Variants in PCTP observed in about 807,000 individuals in gnomAD.
The protein encoded by PCTP is START domain-containing protein 2.
PCTP carries 27 observed loss-of-function variants against 31.0 expected under a neutral mutation model. That is an observed-to-expected ratio of 0.87 (90% CI 0.64 to 1.20). The LOEUF (loss-of-function observed/expected upper bound fraction) is 1.20, where lower values mean the gene tolerates loss of function less well. Among genes scored for constraint, PCTP ranks in the 50% most tolerant of loss-of-function variants. The pLI, the probability that PCTP is intolerant of heterozygous loss-of-function variation, is 0.00. For missense variants in PCTP, 287 were observed against 268.2 expected (o/e 1.07, Z -0.49); for synonymous variants, 108 against 101.2 (o/e 1.07, Z -0.40).
chr17:55,847,171 C>A (rs182097853), downstream of PCTP, among the ~76,000 whole-genome samples: 623 of 152,336 alleles, frequency 4.1e-3, 7 homozygotes, highest in African/African-American at 0.014. Flanking sequence ...TATGTAAGGA[C>A]AGTCTTATGG....
At chr17:55,788,672 A>C (rs759652942) in intron 3 of PCTP, among the ~76,000 whole-genome samples, 16 of 152,234 alleles carry the variant, frequency 1.1e-4, no homozygotes, top group Non-Finnish European at 1.6e-4. Context: ...AAGCAAATAT[A>C]GCAAAATGTT....
In PCTP at chr17:55,771,575, A is replaced by G. The variant is rs138157528; in HGVS notation, c.339+390A>G. Among the ~76,000 whole-genome samples the G allele has an allele frequency of 2.6e-5, 4 of 152,344 alleles. 1 individual carries two copies. Among genetic ancestry groups the G allele is most frequent in the South Asian group, 4.1e-4 (2 of 4,830 alleles). ...CCCAAAGAGGTGATAGGACAGAGGC[A>G]CATAGGTGGTTAGTGGCAGAGCAGG... On this transcript the variant is annotated intron_variant, in intron 3 of 5. Coordinates refer to ENST00000268896, the MANE Select transcript of PCTP (RefSeq NM_021213.4).
rs766036100 is a variant in PCTP, at chr17:55,771,170, C to T, written c.324C>T (p.Pro108=). Residue 108 remains proline (P), a synonymous_variant, in exon 3 of 6, where the codon CCC becomes CCT. Transcript: ENST00000268896. ...ACTGGGAAGTGAAGTACCCTTTTCCCATGTCCAACAGAGACGTATCCTTTC... is the reference window on the plus strand; with the variant it reads ...ACTGGGAAGTGAAGTACCCTTTTCCTATGTCCAACAGAGACGTATCCTTTC... ...VVYWEVKYPF[P]MSNRDYVYLR... 1.2e-5 allele frequency: 19 copies of T among 1,609,768 alleles called. No homozygotes were observed. Among genetic ancestry groups the T allele is most frequent in the South Asian group, 2.2e-5 (2 of 90,998 alleles).
intron 3 of PCTP, among the ~76,000 whole-genome samples, chr17:55,807,385 G>A (rs1299464529): frequency 2.6e-5 from 4 of 152,058 alleles, no homozygotes; most frequent in South Asian, 4.2e-4. Context: ...TTTCACATGC[G>A]GCTTGGCAAG....
chr17:55,764,011 C>T (rs1039651615), intron 1 of PCTP, among the ~76,000 whole-genome samples: 7 of 152,318 alleles, frequency 4.6e-5, no homozygotes, highest in African/African-American at 9.6e-5. Context: ...TTGTCGCAAT[C>T]GTTCATTCTT....
At chr17:55,815,063 A>G (rs934388389) in intron 3 of PCTP, among the ~76,000 whole-genome samples, 5 of 152,246 alleles carry the variant, frequency 3.3e-5, no homozygotes, top group Admixed American at 1.3e-4. Flanking sequence ...TCTACAGCCC[A>G]GTAGAATAAT....
chr17:55,821,597 G>T (rs1913119613), intron 3 of PCTP, among the ~76,000 whole-genome samples: 1 of 152,118 alleles, frequency 6.6e-6, no homozygotes, highest in African/African-American at 2.4e-5. Context: ...TAAATGCTAG[G>T]TACTGTGCTA....
chr17:55,791,022 T>C (rs1362684091), intron 3 of PCTP, among the ~76,000 whole-genome samples: 5 of 151,550 alleles, frequency 3.3e-5, no homozygotes, highest in Admixed American at 2.0e-4. Flanking sequence ...CTATCTGATC[T>C]TTGACAAACC....
intron 3 of PCTP, among the ~76,000 whole-genome samples, chr17:55,818,538 T>A (rs1210745703): frequency 6.6e-6 from 1 of 152,118 alleles, no homozygotes; most frequent in Non-Finnish European, 1.5e-5. Context: ...GTAAAATGGG[T>A]CAAACAAAAA....
At chr17:55,763,059 G>A (rs1428568080) in intron 1 of PCTP, among the ~76,000 whole-genome samples, 1 of 152,160 alleles carries the variant, frequency 6.6e-6, no homozygotes, top group Admixed American at 6.5e-5. Flanking sequence ...ACTGTTAGAG[G>A]TGGTTTTCTG....
At chr17:55,790,624 A>T (rs1249815801) in intron 3 of PCTP, among the ~76,000 whole-genome samples, 1 of 151,482 alleles carries the variant, frequency 6.6e-6, no homozygotes, top group African/African-American at 2.4e-5. Flanking sequence ...TTCAAGGAGA[A>T]CTACAAACCA....
intron 1 of PCTP, among the ~76,000 whole-genome samples, chr17:55,752,177 CAT>C (rs1047940930): frequency 5.9e-5 from 9 of 152,196 alleles, no homozygotes; most frequent in African/African-American, 2.2e-4. Context: ...GAATGTCAAA[CAT>C]GTGGTTGCCT....
chr17:55,849,377 C>A, the PCTP span, among the ~76,000 whole-genome samples: 6 of 152,162 alleles, frequency 3.9e-5, no homozygotes, highest in Non-Finnish European at 8.8e-5. Flanking sequence ...AATTCCAGCA[C>A]TTTGGGAGGC....
chr17:55,773,087 A>T (rs1375668128), intron 3 of PCTP, among the ~76,000 whole-genome samples: 1 of 152,224 alleles, frequency 6.6e-6, no homozygotes, highest in African/African-American at 2.4e-5. Context: ...TGGACATGAA[A>T]TGGTTTTGTT....
rs759493316 is a variant in PCTP, at chr17:55,751,143, TGGGAG to T, written c.42_46del (p.Trp14CysfsTer38). ...CGGAAGCTTCTCGGAGGAGCAGTTC[TGGGAG>T]GCCTGCGCCGAGCTCCAGCAGCCCG... On this transcript the variant is annotated frameshift_variant, in exon 1 of 6. Coordinates refer to ENST00000268896, the MANE Select transcript of PCTP (RefSeq NM_021213.4). LOFTEE classifies it high-confidence loss of function. The T allele has an allele frequency of 4.2e-4, 645 of 1,547,392 alleles. No individual in the cohort carries two copies. Among genetic ancestry groups the T allele is most frequent in the Non-Finnish European group, 5.4e-4 (615 of 1,145,950 alleles).
chr17:55,772,284 G>T (rs1023370419), intron 3 of PCTP, among the ~76,000 whole-genome samples: 1 of 152,154 alleles, frequency 6.6e-6, no homozygotes, highest in East Asian at 1.9e-4. Flanking sequence ...AACAGGGGGC[G>T]CTGTCAAGAC....
intron 3 of PCTP, among the ~76,000 whole-genome samples, chr17:55,809,103 C>G (rs1912668118): frequency 6.6e-6 from 1 of 152,154 alleles, no homozygotes; most frequent in African/African-American, 2.4e-5. Context: ...AAGTAATGCT[C>G]TTTATTAGCT....
intron 2 of PCTP, chr17:55,769,619 G>A (rs1910869321): frequency 6.6e-6 from 1 of 152,230 alleles, no homozygotes; most frequent in African/African-American, 2.4e-5. Context: ...GGAAGCAGCA[G>A]TTAGGCTTTG....
At chr17:55,785,495 A>G (rs1190919193) in intron 2 of PCTP, among the ~76,000 whole-genome samples, 1 of 152,264 alleles carries the variant, frequency 6.6e-6, no homozygotes, top group African/African-American at 2.4e-5. Context: ...TTAAGCCAGT[A>G]AGATCTATGT....
Sources: allele counts gnomAD v4.1 joint callset (sites outside exome capture counted in the v4.1 genomes callset), GRCh38; gene constraint gnomAD v4.1.1; transcripts MANE v1.5; gene names NCBI Gene and HGNC (gene_info 2026-07-23, HGNC 2026-07-21).